ANO3: variants seen among roughly 807,000 people sequenced by gnomAD.
ANO3 encodes the protein anoctamin 3.
In ANO3, 99 loss-of-function variants were observed where a neutral mutation model predicts 144.8. The observed-to-expected ratio is 0.68, with a 90% confidence interval of 0.58 to 0.81. The LOEUF (loss-of-function observed/expected upper bound fraction) is 0.81, where lower values mean the gene tolerates loss of function less well. Among genes scored for constraint, ANO3 ranks in the 30% least tolerant of loss-of-function variants. The pLI is 0.00. For synonymous variants in ANO3, 414 were observed against 392.6 expected (o/e 1.05, Z -0.64); for missense variants, 905 against 1,202.2 (o/e 0.75, Z 3.66).
intron 3 of ANO3, chr11:26,460,221 A>AT (rs1859336524): frequency 3.0e-6 from 1 of 332,596 alleles, no homozygotes; most frequent in Non-Finnish European, 5.8e-6. Flanking sequence ...TCTGTTATAT[A>AT]TTTTTTCATT....
chr11:26,584,723 T>C (rs1223337896), intron 14 of ANO3, among the ~76,000 whole-genome samples: 1 of 152,212 alleles, frequency 6.6e-6, no homozygotes, highest in African/African-American at 2.4e-5. Context: ...TTCAACCACC[T>C]GGGCCTTGTT....
intron 14 of ANO3, among the ~76,000 whole-genome samples, chr11:26,592,687 C>T (rs1188992405): frequency 6.6e-6 from 1 of 150,442 alleles, no homozygotes; most frequent in African/African-American, 2.5e-5. Flanking sequence ...CTTCACAGGC[C>T]CTGACTATCT....
chr11:26,418,328 G>A (rs1857652115), intron 1 of ANO3, among the ~76,000 whole-genome samples: 1 of 152,078 alleles, frequency 6.6e-6, no homozygotes, highest in South Asian at 2.1e-4. Context: ...CAATAACAGA[G>A]TGTGGCTGGA....
intron 1 of ANO3, among the ~76,000 whole-genome samples, chr11:26,245,071 A>C (rs1852759882): frequency 6.6e-6 from 1 of 151,124 alleles, no homozygotes; most frequent in African/African-American, 2.4e-5. Context: ...AAATAATTCC[A>C]ACTTGCAGAA....
chr11:26,445,700 G>A (rs1323624197), intron 3 of ANO3, among the ~76,000 whole-genome samples: 1 of 152,034 alleles, frequency 6.6e-6, no homozygotes, highest in African/African-American at 2.4e-5. Flanking sequence ...TGAAGGTGAG[G>A]TACAGTCTCC....
intron 11 of ANO3, among the ~76,000 whole-genome samples, chr11:26,544,267 T>TAG (rs1349932113): frequency 1.3e-5 from 1 of 75,370 alleles, no homozygotes. Flanking sequence ...TATATATATA[T>TAG]ATATATACAC....
At chr11:26,632,842 A>G (rs1330454298) in intron 18 of ANO3, among the ~76,000 whole-genome samples, 1 of 152,178 alleles carries the variant, frequency 6.6e-6, no homozygotes, top group African/African-American at 2.4e-5. Context: ...AAAGTACCTA[A>G]AAATCTACAT....
chr11:26,438,656 C>T (rs1346266722), intron 1 of ANO3, among the ~76,000 whole-genome samples: 2 of 145,146 alleles, frequency 1.4e-5, no homozygotes, highest in African/African-American at 5.1e-5. Flanking sequence ...CGGGCACCTG[C>T]AATCCCAGCT....
intron 1 of ANO3, among the ~76,000 whole-genome samples, chr11:26,310,154 CAA>C (rs1854473408): frequency 6.6e-6 from 1 of 152,022 alleles, no homozygotes; most frequent in African/African-American, 2.4e-5. Flanking sequence ...TATATATGTG[CAA>C]AGATAGCTAC....
chr11:26,628,181 A>G (rs1242022589), intron 18 of ANO3, among the ~76,000 whole-genome samples: 2 of 152,018 alleles, frequency 1.3e-5, no homozygotes, highest in African/African-American at 2.4e-5. Context: ...TGAACTGTCT[A>G]TGTTAAAGAT....
chr11:26,534,355 A>G (rs369781374), intron 8 of ANO3, 101 bp from the exon 9 acceptor site: 32 of 649,232 alleles, frequency 4.9e-5, no homozygotes, highest in African/African-American at 4.9e-4. Context: ...TTCCCTTCTG[A>G]TTTACTATGC....
intron 11 of ANO3, among the ~76,000 whole-genome samples, chr11:26,542,907 T>C (rs543936710): frequency 6.6e-6 from 1 of 152,208 alleles, no homozygotes; most frequent in Non-Finnish European, 1.5e-5. Flanking sequence ...TTATGAAATA[T>C]AAACATCAAG....
chr11:26,484,831 A>G (rs977361813), intron 4 of ANO3, among the ~76,000 whole-genome samples: 2 of 152,210 alleles, frequency 1.3e-5, no homozygotes, highest in African/African-American at 4.8e-5. Context: ...ATGAAAGCCA[A>G]GCCCTTTCAT....
chr11:26,639,762 T>C (rs1040234030), intron 21 of ANO3, among the ~76,000 whole-genome samples: 3 of 152,198 alleles, frequency 2.0e-5, no homozygotes, highest in Non-Finnish European at 4.4e-5. Context: ...GCATTCTATT[T>C]TCATTATTTT....
chr11:26,556,070 A>AT lies in ANO3; in HGVS notation c.1386+2726dup, dbSNP rs550935283. Reference sequence around the variant, plus strand: ...GGAAAATAACTGGTCCTATCATATGATAAAAATTAATATTTAAGTACATTA... The same window carrying AT: ...GGAAAATAACTGGTCCTATCATATGATTAAAAATTAATATTTAAGTACATTA... On this transcript the variant is annotated intron_variant, in intron 13 of 26. Coordinates refer to ENST00000256737, the MANE Select transcript of ANO3 (RefSeq NM_031418.4). 2.8e-4 allele frequency among the ~76,000 whole-genome samples: 43 copies of AT among 152,306 alleles called. 1 individual carries two copies. The highest frequency in any genetic ancestry group is 9.4e-4 in the African/African-American group (39 of 41,576).
chr11:26,596,276 C>T (rs1359659684), intron 14 of ANO3, among the ~76,000 whole-genome samples: 2 of 152,106 alleles, frequency 1.3e-5, no homozygotes, highest in African/African-American at 2.4e-5. Flanking sequence ...CTCTCTCTTT[C>T]TCCTCTCTGC....
intron 1 of ANO3, among the ~76,000 whole-genome samples, chr11:26,419,790 A>G (rs1857699076): frequency 6.6e-6 from 1 of 152,130 alleles, no homozygotes; most frequent in Non-Finnish European, 1.5e-5. Context: ...GTGACTTTGA[A>G]TGGGATGTTT....
chr11:26,572,506 C>G (rs891990208), intron 14 of ANO3, among the ~76,000 whole-genome samples: 5 of 152,016 alleles, frequency 3.3e-5, no homozygotes, highest in Non-Finnish European at 7.4e-5. Flanking sequence ...GTGAGGAATC[C>G]AAACAAGTCA....
At chr11:26,537,291 T>C in intron 9 of ANO3, 115 bp from the exon 10 acceptor site, 1 of 826,256 alleles carries the variant, frequency 1.2e-6, no homozygotes, top group South Asian at 1.5e-5. Flanking sequence ...ATGGAAGTCA[T>C]TTGGGTTATC....
Sources: allele counts gnomAD v4.1 joint callset (sites outside exome capture counted in the v4.1 genomes callset), GRCh38; gene constraint gnomAD v4.1.1; transcripts MANE v1.5; gene names NCBI Gene and HGNC (gene_info 2026-07-23, HGNC 2026-07-21).